EXTL3: variants seen among roughly 807,000 people sequenced by gnomAD.
EXTL3 encodes the protein exostosin like glycosyltransferase 3, also known as exostosin-like 3.
Under a neutral mutation model 69.3 loss-of-function variants are expected in EXTL3, and 27 were observed. The observed-to-expected ratio is 0.39, with a 90% CI of 0.29 to 0.54. The LOEUF (loss-of-function observed/expected upper bound fraction) is 0.54. Ranked by LOEUF, EXTL3 falls within the 20% of genes least tolerant of loss-of-function variation. The probability of loss-of-function intolerance (pLI) is 0.69; values close to 1 mark genes in which losing one functional copy is unlikely to be tolerated. For missense variants in EXTL3, 1,003 were observed against 1,231.8 expected (o/e 0.81, Z 2.78); for synonymous variants, 511 against 499.4 (o/e 1.02, Z -0.31).
Position 28,716,096 on chromosome 8 carries a change from G to T in EXTL3, c.37G>T (p.Gly13Trp). Residue 13 changes from glycine (G) to tryptophan (W), a missense_variant, in exon 3 of 7, where the codon GGG becomes TGG. Gly to Trp is a radical substitution (Grantham distance 184). Coordinates refer to ENST00000220562, the MANE Select transcript of EXTL3 (RefSeq NM_001440.4). The surrounding 1 kb of genome is among the most constrained non-coding windows in gnomAD (Gnocchi z 7.1). ...GYTMLRNGGA[G>W]NGGQTCMLRW... Reference sequence around the variant, plus strand: ...TACCATGCTGCGGAATGGGGGCGCGGGGAACGGAGGTCAGACCTGCATGCT... The same window carrying T: ...TACCATGCTGCGGAATGGGGGCGCGTGGAACGGAGGTCAGACCTGCATGCT... 1.2e-6 allele frequency: 2 copies of T among 1,611,936 alleles called. No homozygotes were observed. Among genetic ancestry groups the T allele is most frequent in the Non-Finnish European group, 8.5e-7 (1 of 1,179,978 alleles).
chr8:28,742,797 G>T, intron 5 of EXTL3: 1 of 392,156 alleles, frequency 2.6e-6, no homozygotes, highest in Non-Finnish European at 4.8e-6. Flanking sequence ...ATCTGACCTA[G>T]TTTGACAAAT....
chr8:28,613,695 CCTT>C (rs1563424656), intron 2 of EXTL3, among the ~76,000 whole-genome samples: 1 of 152,128 alleles, frequency 6.6e-6, no homozygotes, highest in African/African-American at 2.4e-5. Flanking sequence ...ATCTACTTCT[CCTT>C]ATGTGAGTTC....
intron 1 of EXTL3, among the ~76,000 whole-genome samples, chr8:28,675,926 G>C (rs1204092265): frequency 6.6e-6 from 1 of 150,738 alleles, no homozygotes; most frequent in African/African-American, 2.4e-5. Context: ...GGAGGCTGAG[G>C]CTGGAGAATC....
intron 6 of EXTL3, among the ~76,000 whole-genome samples, chr8:28,744,559 C>A (rs1801846374): frequency 1.3e-5 from 2 of 152,210 alleles, no homozygotes; most frequent in Non-Finnish European, 2.9e-5. Flanking sequence ...CTTTGGAAGG[C>A]TGAGGCAGGT....
intron 1 of EXTL3, among the ~76,000 whole-genome samples, chr8:28,648,933 G>A (rs1378339204): frequency 6.6e-6 from 1 of 151,850 alleles, no homozygotes; most frequent in African/African-American, 2.4e-5. Flanking sequence ...TTACTCTGTC[G>A]CCCAGGCTGG....
intron 1 of EXTL3, among the ~76,000 whole-genome samples, chr8:28,672,205 C>G (rs1293673569): frequency 6.6e-6 from 1 of 151,952 alleles, no homozygotes; most frequent in Non-Finnish European, 1.5e-5. Context: ...CACGTGAGGT[C>G]AGGAGATCGA....
At chr8:28,684,731 G>T (rs962195582) in intron 1 of EXTL3, among the ~76,000 whole-genome samples, 2 of 152,130 alleles carry the variant, frequency 1.3e-5, no homozygotes, top group African/African-American at 4.8e-5. Context: ...AACAGAGTGA[G>T]ACCCTGCCTC....
At chr8:28,687,731 G>C (rs1807600770) in intron 1 of EXTL3, among the ~76,000 whole-genome samples, 1 of 152,142 alleles carries the variant, frequency 6.6e-6, no homozygotes, top group Non-Finnish European at 1.5e-5. Flanking sequence ...AAGCATTTAA[G>C]GGATGGTGGA....
chr8:28,672,030 T>A (rs962504777), intron 1 of EXTL3, among the ~76,000 whole-genome samples: 8 of 152,206 alleles, frequency 5.3e-5, no homozygotes, highest in Admixed American at 3.3e-4. Context: ...AACTTTTACA[T>A]ACACAGTTGA....
Position 28,751,037 on chromosome 8 carries a change from C to A in EXTL3, c.*171C>A. ...ACCGCTGCCTTTATCTTGAAGTCAG[C>A]CACACTGGGCCTGGAGCCCTGGGCG... On this transcript the variant is annotated 3_prime_UTR_variant, in exon 7 of 7. Transcript: ENST00000220562. 1.6e-6 allele frequency: 1 copy of A among 629,766 alleles called. No homozygotes were observed. Among genetic ancestry groups the A allele is most frequent in the Non-Finnish European group, 2.8e-6 (1 of 358,266 alleles). 39.0% of individuals were successfully genotyped at this position (629,766 alleles called of 1,614,324 possible). A position where few individuals can be genotyped will look rare whatever the true frequency, so the allele number is the denominator to read the frequency against.
At chr8:28,718,860 T>C (rs1801227622) in intron 3 of EXTL3, among the ~76,000 whole-genome samples, 5 of 152,226 alleles carry the variant, frequency 3.3e-5, no homozygotes, top group Admixed American at 2.6e-4. Flanking sequence ...TTCTTTCTCA[T>C]TCTTTACTCC....
chr8:28,621,065 G>A (rs1198227462), upstream of EXTL3, among the ~76,000 whole-genome samples: 1 of 152,076 alleles, frequency 6.6e-6, no homozygotes, highest in Non-Finnish European at 1.5e-5. Context: ...AATTATGATT[G>A]TTTTTGTCAT....
At chr8:28,703,862 A>G (rs1296030574) in intron 1 of EXTL3, among the ~76,000 whole-genome samples, 1 of 152,146 alleles carries the variant, frequency 6.6e-6, no homozygotes, top group African/African-American at 2.4e-5. Context: ...TTACCCCTTC[A>G]TTTCGGCAAC....
chr8:28,731,883 A>G (rs576509716), intron 4 of EXTL3, among the ~76,000 whole-genome samples: 1 of 151,786 alleles, frequency 6.6e-6, no homozygotes, highest in South Asian at 2.1e-4. Context: ...AGGTGGTGGT[A>G]ATGATGATGA....
chr8:28,639,179 G>A lies in EXTL3; in HGVS notation c.-53+16369G>A, dbSNP rs1045677595. On this transcript the variant is annotated intron_variant, in intron 1 of 6. Transcript: ENST00000523149. ...TCTTGAACTCCTGACCTTGTGATTC[G>A]CCTGCCTCGGCCTCCCAAAGTGCTG... Among the ~76,000 whole-genome samples, 12 of 151,774 alleles carry A rather than the reference G, an allele frequency of 7.9e-5. No homozygotes were observed. In the East Asian group the frequency reaches 9.7e-4, roughly 12 times the overall value.
At chr8:28,687,400 A>G (rs1341857288) in intron 1 of EXTL3, among the ~76,000 whole-genome samples, 1 of 152,084 alleles carries the variant, frequency 6.6e-6, no homozygotes, top group Non-Finnish European at 1.5e-5. Context: ...CAGGAGGTGG[A>G]GGTTGCAGTG....
At chr8:28,664,597 G>T (rs1050693455) in intron 1 of EXTL3, among the ~76,000 whole-genome samples, 1 of 151,902 alleles carries the variant, frequency 6.6e-6, no homozygotes, top group Non-Finnish European at 1.5e-5. Flanking sequence ...TTTTCATATT[G>T]ATTCTTGAAC....
chr8:28,726,845 T>C (rs541781133), intron 3 of EXTL3, among the ~76,000 whole-genome samples: 1 of 152,040 alleles, frequency 6.6e-6, no homozygotes, highest in South Asian at 2.1e-4. Context: ...TGCTTGGTGT[T>C]GTGTTTCTGT....
intron 1 of EXTL3, among the ~76,000 whole-genome samples, chr8:28,709,126 T>C (rs906747467): frequency 6.6e-5 from 10 of 152,188 alleles, no homozygotes; most frequent in African/African-American, 2.4e-4. Context: ...ACAGCCAGCT[T>C]GCTTTGGTTT....
Sources: allele counts gnomAD v4.1 joint callset (sites outside exome capture counted in the v4.1 genomes callset), GRCh38; gene constraint gnomAD v4.1.1; non-coding constraint Gnocchi (gnomAD v3.1); transcripts MANE v1.5; gene names NCBI Gene and HGNC (gene_info 2026-07-23, HGNC 2026-07-21).